CHIC1: variants seen among roughly 807,000 people sequenced by gnomAD.
The protein encoded by CHIC1 is cysteine-rich hydrophobic domain-containing protein 1.
In CHIC1, 7 loss-of-function variants were observed where a neutral mutation model predicts 18.5. That is an observed-to-expected ratio of 0.38 (90% confidence interval 0.22 to 0.71). The LOEUF is 0.71. Among genes scored for constraint, CHIC1 ranks in the 30% least tolerant of loss-of-function variants. The pLI is 0.49. For synonymous variants in CHIC1, 77 were observed against 73.5 expected (o/e 1.05, Z -0.25); for missense variants, 159 against 176.9 (o/e 0.90, Z 0.57).
chrX:73,574,570 G>T (rs1478112968), intron 1 of CHIC1, among the ~76,000 whole-genome samples: 1 of 109,571 alleles, frequency 9.1e-6, no homozygotes, highest in Non-Finnish European at 1.9e-5. Flanking sequence ...GCTTTTTTTG[G>T]TTGGTTGGTG....
At position 73,563,363 on chromosome X, in the gene CHIC1, A is replaced by ACGT. The variant is rs771438204; in HGVS notation, c.91_93dup (p.Ser31dup). On this transcript the variant is annotated inframe_insertion, in exon 1 of 6. Coordinates refer to ENST00000373502, the MANE Select transcript of CHIC1 (RefSeq NM_001039840.4). ...GGAGGAGGAGGAAGAAGAAGCGGCA[A>ACGT]CGTCGTCGTCGTCGCCGTCGTCGTC... 64 of 1,151,813 alleles carry ACGT rather than the reference A, an allele frequency of 5.6e-5. No individual in the cohort carries two copies. The African/African-American group carries it at 6.6e-4, about 12-fold the overall frequency. The allele number at this position is 1,151,813 out of a possible 1,213,427, so 94.9% of individuals were successfully genotyped here. A position where few individuals can be genotyped will look rare whatever the true frequency, so the allele number is the denominator to read the frequency against.
chrX:73,621,639 AAACAGAGGC>A (rs1221368106), intron 3 of CHIC1, among the ~76,000 whole-genome samples: 2 of 112,019 alleles, frequency 1.8e-5, no homozygotes, highest in Non-Finnish European at 3.8e-5. Context: ...TGTCATCTGC[AAACAGAGGC>A]AATTTGACTT....
chrX:73,573,340 T>A (rs1483572915), intron 1 of CHIC1, among the ~76,000 whole-genome samples: 1 of 111,676 alleles, frequency 9.0e-6, no homozygotes, highest in Non-Finnish European at 1.9e-5. Flanking sequence ...TTGGTTACTG[T>A]ACCCTTGTAG....
chrX:73,648,779 T>G (rs893045497), intron 3 of CHIC1, among the ~76,000 whole-genome samples: 6 of 111,879 alleles, frequency 5.4e-5, no homozygotes, highest in Non-Finnish European at 1.1e-4. Context: ...GGAAACAAGC[T>G]GGAAAACACA....
chrX:73,659,650 C>T (rs1157323021), intron 3 of CHIC1, among the ~76,000 whole-genome samples: 8 of 111,415 alleles, frequency 7.2e-5, no homozygotes, highest in Non-Finnish European at 1.5e-4. Context: ...AGGTCACAAA[C>T]GTGGAGTTTT....
At chrX:73,582,053 C>A (rs900379262) in intron 2 of CHIC1, among the ~76,000 whole-genome samples, 3 of 110,070 alleles carry the variant, frequency 2.7e-5, no homozygotes, top group African/African-American at 9.8e-5. Flanking sequence ...TTCTAAGGCT[C>A]CTTATAAACA....
intron 3 of CHIC1, among the ~76,000 whole-genome samples, chrX:73,639,369 G>T (rs1385647247): frequency 9.0e-6 from 1 of 111,652 alleles, no homozygotes; most frequent in Non-Finnish European, 1.9e-5. Context: ...TAATGGGTTG[G>T]TTTGTTTTTT....
intron 3 of CHIC1, among the ~76,000 whole-genome samples, chrX:73,605,782 G>C (rs2057680067): frequency 9.2e-6 from 1 of 108,565 alleles, no homozygotes; most frequent in African/African-American, 3.6e-5. Context: ...GAAATTCTGG[G>C]TTGAAAATTC....
intron 3 of CHIC1, among the ~76,000 whole-genome samples, chrX:73,619,182 A>C (rs1283541436): frequency 3.6e-5 from 4 of 111,051 alleles, no homozygotes; most frequent in African/African-American, 1.3e-4. Context: ...GGAGCAATCT[A>C]CTTCCTTCAA....
chrX:73,646,219 G>T (rs1347912878), intron 3 of CHIC1, among the ~76,000 whole-genome samples: 1 of 111,462 alleles, frequency 9.0e-6, no homozygotes, highest in Non-Finnish European at 1.9e-5. Flanking sequence ...GTAAACATAG[G>T]TTTATTTCTG....
intron 3 of CHIC1, among the ~76,000 whole-genome samples, chrX:73,592,793 G>A (rs903563884): frequency 1.4e-4 from 15 of 110,471 alleles, no homozygotes; most frequent in African/African-American, 4.3e-4. Flanking sequence ...GCTCTTCTTC[G>A]TACTTCTGGT....
intron 3 of CHIC1, among the ~76,000 whole-genome samples, chrX:73,613,554 T>C (rs975815326): frequency 6.2e-5 from 7 of 112,116 alleles, no homozygotes; most frequent in Non-Finnish European, 1.3e-4. Flanking sequence ...ACAGCCAGCA[T>C]TTTTGTAGAG....
chrX:73,625,899 T>G (rs2057781298), intron 3 of CHIC1, among the ~76,000 whole-genome samples: 1 of 110,572 alleles, frequency 9.0e-6, no homozygotes, highest in East Asian at 2.8e-4. Context: ...AAATTGGGCC[T>G]CTAACTCAAT....
At chrX:73,621,418 T>C (rs2147584323) in intron 3 of CHIC1, among the ~76,000 whole-genome samples, 1 of 111,911 alleles carries the variant, frequency 8.9e-6, no homozygotes, top group African/African-American at 3.2e-5. Flanking sequence ...TTCACATCCT[T>C]TGTAAGTTGT....
At chrX:73,643,291 G>A (rs1208030591) in intron 3 of CHIC1, among the ~76,000 whole-genome samples, 2 of 109,297 alleles carry the variant, frequency 1.8e-5, no homozygotes, top group Admixed American at 9.8e-5. Context: ...CTCTCTGGCT[G>A]CCCTTAACAT....
chrX:73,656,483 T>C (rs779345950), intron 3 of CHIC1, among the ~76,000 whole-genome samples: 1 of 112,087 alleles, frequency 8.9e-6, no homozygotes, highest in African/African-American at 3.2e-5. Context: ...TTATATATGG[T>C]ATAAGGAAGA....
chrX:73,609,333 G>A (rs2057697408), intron 3 of CHIC1, among the ~76,000 whole-genome samples: 1 of 108,682 alleles, frequency 9.2e-6, no homozygotes, highest in South Asian at 3.7e-4. Flanking sequence ...TAGATTAGCT[G>A]TGTATTTTTC....
At chrX:73,677,730 C>T (rs971787102) in intron 3 of CHIC1, among the ~76,000 whole-genome samples, 3 of 112,138 alleles carry the variant, frequency 2.7e-5, no homozygotes, top group South Asian at 3.7e-4. Flanking sequence ...GCACACGGTG[C>T]GCTGCACCCA....
intron 3 of CHIC1, among the ~76,000 whole-genome samples, chrX:73,646,764 G>A (rs1439660740): frequency 8.9e-6 from 1 of 112,084 alleles, no homozygotes; most frequent in African/African-American, 3.2e-5. Context: ...AAGGTCATAA[G>A]CAAACAGAGA....
Sources: allele counts gnomAD v4.1 joint callset (sites outside exome capture counted in the v4.1 genomes callset), GRCh38; gene constraint gnomAD v4.1.1; transcripts MANE v1.5; gene names NCBI Gene and HGNC (gene_info 2026-07-23, HGNC 2026-07-21).